ATP9B: variants seen among roughly 807,000 people sequenced by gnomAD.
The protein encoded by ATP9B is ATPase phospholipid transporting 9B.
In ATP9B, 110 loss-of-function variants were observed where a neutral mutation model predicts 146.1. The ratio of observed to expected loss-of-function variants is 0.75; its 90% CI spans 0.65 to 0.88. The LOEUF is 0.88. ATP9B is among the 40% of genes least tolerant of loss of function. The probability of loss-of-function intolerance (pLI) is 0.00; values close to 1 mark genes in which losing one functional copy is unlikely to be tolerated. For missense variants in ATP9B, 1,499 were observed against 1,496.4 expected (o/e 1.00, Z -0.03); for synonymous variants, 604 against 569.7 (o/e 1.06, Z -0.86).
intron 26 of ATP9B, among the ~76,000 whole-genome samples, chr18:79,368,258 G>A (rs575795280): frequency 6.6e-6 from 1 of 152,332 alleles, no homozygotes; most frequent in Admixed American, 6.5e-5. Flanking sequence ...AACAGAATTG[G>A]GCATGGCGCC....
intron 25 of ATP9B, among the ~76,000 whole-genome samples, chr18:79,354,990 A>T (rs906076484): frequency 6.6e-6 from 1 of 152,214 alleles, no homozygotes; most frequent in African/African-American, 2.4e-5. Context: ...GAGAGCTGAA[A>T]GTGCCACTTC....
At chr18:79,112,582 G>A (rs2147004372) in intron 3 of ATP9B, among the ~76,000 whole-genome samples, 1 of 152,132 alleles carries the variant, frequency 6.6e-6, no homozygotes, top group African/African-American at 2.4e-5. Context: ...CTGTCTTCTT[G>A]AAAACTGGTC....
chr18:79,154,420 A>G (rs2094741373), intron 6 of ATP9B, 84 bp from the exon 7 acceptor site: 2 of 906,306 alleles, frequency 2.2e-6, no homozygotes, highest in Non-Finnish European at 3.4e-6. Flanking sequence ...AGTTGTTTTC[A>G]TAGGTATTTC....
At chr18:79,348,383 C>T (rs2096903861) in intron 25 of ATP9B, among the ~76,000 whole-genome samples, 187 bp downstream of exon 25, 1 of 152,060 alleles carries the variant, frequency 6.6e-6, no homozygotes, top group Non-Finnish European at 1.5e-5. Context: ...CACACTTGTT[C>T]CTCCTGGGAT....
Position 79,253,489 on chromosome 18 carries a change from T to G in ATP9B, c.1216T>G (p.Tyr406Asp). 6.2e-7 allele frequency: 1 copy of G among 1,610,586 alleles called. No individual in the cohort carries two copies. The highest frequency in any genetic ancestry group is 8.5e-7 in the Non-Finnish European group (1 of 1,179,052). ...CTTACAAGGATTTGTGGGTCCATGG[T>G]ACCGCAATCTTTTTCGGTTCCTTCT... The part of the protein sequence containing the change: ...VTLQGFVGPW[Y>D]RNLFRFLLLF... The change falls in exon 12 of 30, where the codon TAC becomes GAC. Residue 406 changes from tyrosine to aspartate, a missense_variant. Physicochemically the swap from Tyr to Asp is radical, Grantham distance 160. Transcript: ENST00000426216.
chr18:79,280,623 A>G (rs1253765793), intron 13 of ATP9B, among the ~76,000 whole-genome samples: 1 of 152,318 alleles, frequency 6.6e-6, no homozygotes, highest in East Asian at 1.9e-4. Context: ...TTTGAATAGC[A>G]TAATTGTCAG....
intron 6 of ATP9B, 78 bp downstream of exon 6, chr18:79,143,938 A>C (rs1461113936): frequency 2.4e-6 from 2 of 844,732 alleles, no homozygotes; most frequent in East Asian, 5.6e-5. Context: ...TAACTTCTGA[A>C]TTTGAAAGAA....
intron 13 of ATP9B, among the ~76,000 whole-genome samples, chr18:79,297,670 T>G (rs970528326): frequency 6.6e-6 from 1 of 152,368 alleles, no homozygotes; most frequent in African/African-American, 2.4e-5. Context: ...AATTCTCTTC[T>G]TAATAGAGAA....
At chr18:79,203,332 G>A (rs555499898) in intron 9 of ATP9B, among the ~76,000 whole-genome samples, 14 of 151,076 alleles carry the variant, frequency 9.3e-5, no homozygotes, top group East Asian at 7.8e-4. Context: ...GCAGGAGGGC[G>A]TAGAGGAGCA....
At chr18:79,344,431 T>G (rs2096875086) in intron 21 of ATP9B, 77 bp downstream of exon 21, 1 of 1,347,890 alleles carries the variant, frequency 7.4e-7, no homozygotes, top group Non-Finnish European at 1.1e-6. Flanking sequence ...AGTGTCTGTT[T>G]GTCTCTCAGG....
intron 1 of ATP9B, among the ~76,000 whole-genome samples, chr18:79,075,276 A>G (rs1319366994): frequency 6.6e-6 from 1 of 152,204 alleles, no homozygotes; most frequent in Non-Finnish European, 1.5e-5. Flanking sequence ...TTTAGCCTCC[A>G]GAGTAGCTGG....
intron 12 of ATP9B, among the ~76,000 whole-genome samples, chr18:79,255,598 T>G (rs1449278870): frequency 6.6e-6 from 1 of 152,242 alleles, no homozygotes; most frequent in Non-Finnish European, 1.5e-5. Flanking sequence ...GGAATGCCTG[T>G]CTCAGGCAAA....
intron 1 of ATP9B, among the ~76,000 whole-genome samples, chr18:79,072,821 T>C (rs551969923): frequency 1.3e-5 from 2 of 151,568 alleles, no homozygotes; most frequent in East Asian, 3.9e-4. Context: ...GCAGAGGGGC[T>C]CCTCACCTCT....
rs766348541 is a variant in ATP9B at position 79,110,525 on chromosome 18, G to C, written c.444+20G>C. 2 of 1,590,442 alleles carry C rather than the reference G, an allele frequency of 1.3e-6. No individual in the cohort carries two copies. Among genetic ancestry groups the C allele is most frequent in the African/African-American group, 2.8e-5 (2 of 70,836 alleles). On this transcript the variant is annotated intron_variant, in intron 3 of 29. Coordinates refer to ENST00000426216, the MANE Select transcript of ATP9B (RefSeq NM_198531.5). ...CCTGGGGTAAGACTATTGCATTCTT[G>C]GAGATGGGTTGTGTGTCAGAGATTG... is the stretch of plus-strand genomic sequence containing the variant.
At chr18:79,300,175 AG>A (rs1466626048) in intron 13 of ATP9B, among the ~76,000 whole-genome samples, 4 of 152,242 alleles carry the variant, frequency 2.6e-5, no homozygotes, top group South Asian at 4.1e-4. Context: ...GAGCTTCAGG[AG>A]GGGGGCACTC....
At chr18:79,189,875 A>T (rs1222074228) in intron 8 of ATP9B, among the ~76,000 whole-genome samples, 1 of 152,222 alleles carries the variant, frequency 6.6e-6, no homozygotes, top group Non-Finnish European at 1.5e-5. Context: ...CCGTGGTATT[A>T]TTCAAGGTTC....
intron 4 of ATP9B, among the ~76,000 whole-genome samples, chr18:79,119,752 T>G (rs1450367097): frequency 1.3e-5 from 2 of 152,216 alleles, no homozygotes; most frequent in Non-Finnish European, 2.9e-5. Flanking sequence ...CAGCCACAAT[T>G]GATGCTACCT....
chr18:79,251,356 GCTGA>G (rs1365228708), intron 11 of ATP9B, among the ~76,000 whole-genome samples: 1 of 152,234 alleles, frequency 6.6e-6, no homozygotes, highest in Non-Finnish European at 1.5e-5. Flanking sequence ...CGATGGTAGT[GCTGA>G]CTGTCGGCCA....
At chr18:79,196,046 T>C (rs374920520) in intron 9 of ATP9B, among the ~76,000 whole-genome samples, 1 of 152,040 alleles carries the variant, frequency 6.6e-6, no homozygotes, top group East Asian at 1.9e-4. Flanking sequence ...CAGGGAAAAA[T>C]CCTTTGATCT....
Sources: allele counts gnomAD v4.1 joint callset (sites outside exome capture counted in the v4.1 genomes callset), GRCh38; gene constraint gnomAD v4.1.1; transcripts MANE v1.5; gene names NCBI Gene and HGNC (gene_info 2026-07-23, HGNC 2026-07-21).